The following MYO1D variants were observed in gnomAD, a reference collection of about 807,000 sequenced individuals.
MYO1D encodes the protein unconventional myosin-Id.
Under a neutral mutation model 122.0 loss-of-function variants are expected in MYO1D, and 83 were observed. The ratio of observed to expected loss-of-function variants is 0.68; its 90% confidence interval spans 0.57 to 0.82. The LOEUF (loss-of-function observed/expected upper bound fraction) is 0.82, where lower values mean the gene tolerates loss of function less well. MYO1D is among the 40% of genes least tolerant of loss of function. The probability of loss-of-function intolerance (pLI) is 0.00; values close to 1 mark genes in which losing one functional copy is unlikely to be tolerated. For synonymous variants in MYO1D, 464 were observed against 446.9 expected (o/e 1.04, Z -0.48); for missense variants, 1,157 against 1,269.5 (o/e 0.91, Z 1.35).
intron 19 of MYO1D, among the ~76,000 whole-genome samples, chr17:32,643,208 T>C (rs1028615526): frequency 6.6e-6 from 1 of 152,244 alleles, no homozygotes; most frequent in Non-Finnish European, 1.5e-5. Context: ...TGGTTCTGTT[T>C]ATATGCTGGA....
chr17:32,694,678 G>A (rs955775274), intron 16 of MYO1D, among the ~76,000 whole-genome samples: 4 of 126,728 alleles, frequency 3.2e-5, no homozygotes, highest in Admixed American at 9.7e-5. Flanking sequence ...TCCGCAGTCC[G>A]GCCTGGGCGA....
intron 20 of MYO1D, among the ~76,000 whole-genome samples, chr17:32,629,285 G>C (rs1597950600): frequency 9.4e-6 from 1 of 106,556 alleles, no homozygotes; most frequent in Non-Finnish European, 2.1e-5. Context: ...TGTTCTGTGT[G>C]ATACTGTAAT....
intron 21 of MYO1D, among the ~76,000 whole-genome samples, chr17:32,569,425 T>C (rs901921985): frequency 6.6e-6 from 1 of 152,222 alleles, no homozygotes. Context: ...CAGACCTGCA[T>C]GACCAATTCT....
intron 21 of MYO1D, among the ~76,000 whole-genome samples, chr17:32,542,769 G>GT (rs1273011131): frequency 2.6e-5 from 4 of 152,132 alleles, no homozygotes; most frequent in African/African-American, 4.8e-5. Context: ...GCACAGTCCA[G>GT]TGAGGCCTGT....
At chr17:32,673,846 T>C (rs1015416776) in intron 16 of MYO1D, among the ~76,000 whole-genome samples, 1 of 152,242 alleles carries the variant, frequency 6.6e-6, no homozygotes, top group Admixed American at 6.5e-5. Context: ...GTATCAGTTT[T>C]GTGTCAATGT....
chr17:32,547,088 T>TCA (rs2086970651), intron 21 of MYO1D, among the ~76,000 whole-genome samples: 1 of 147,650 alleles, frequency 6.8e-6, no homozygotes, highest in East Asian at 2.0e-4. Flanking sequence ...TTTTTTTTTG[T>TCA]AAAGACAGCA....
chr17:32,621,717 G>A (rs2087856975), intron 20 of MYO1D, among the ~76,000 whole-genome samples: 1 of 152,148 alleles, frequency 6.6e-6, no homozygotes, highest in South Asian at 2.1e-4. Flanking sequence ...GAGAATGTCT[G>A]TGACCTCCCA....
intron 20 of MYO1D, among the ~76,000 whole-genome samples, chr17:32,614,317 G>A (rs1447217929): frequency 3.5e-5 from 5 of 143,200 alleles, no homozygotes; most frequent in African/African-American, 1.3e-4. Context: ...TGAAATTGTA[G>A]CGGTCACTTA....
intron 1 of MYO1D, among the ~76,000 whole-genome samples, chr17:32,843,784 A>G (rs978358873): frequency 6.6e-6 from 1 of 152,194 alleles, no homozygotes; most frequent in Non-Finnish European, 1.5e-5. Context: ...AAGAAAATCT[A>G]TTAACAATGG....
chr17:32,515,251 G>T (rs1233104856), intron 21 of MYO1D, among the ~76,000 whole-genome samples: 1 of 152,104 alleles, frequency 6.6e-6, no homozygotes, highest in Admixed American at 6.5e-5. Flanking sequence ...ACCTTCCAGG[G>T]CAAAAAGGCT....
chr17:32,673,130 G>T (rs1304519732), intron 16 of MYO1D, among the ~76,000 whole-genome samples: 2 of 10,242 alleles, frequency 2.0e-4, no homozygotes, highest in Non-Finnish European at 8.8e-4. Flanking sequence ...TTTTTTTTGA[G>T]ACAGAGACTT....
chr17:32,609,046 A>G (rs2087666339), intron 20 of MYO1D, among the ~76,000 whole-genome samples: 1 of 152,040 alleles, frequency 6.6e-6, no homozygotes, highest in African/African-American at 2.4e-5. Flanking sequence ...GTATGGAACT[A>G]CTCTGTATCC....
chr17:32,730,563 G>A, intron 14 of MYO1D, among the ~76,000 whole-genome samples: 1 of 152,030 alleles, frequency 6.6e-6, no homozygotes, highest in East Asian at 1.9e-4. Context: ...TCTTTATTGT[G>A]CCTTTGTTCT....
chr17:32,517,062 T>C (rs1259550614), intron 21 of MYO1D, among the ~76,000 whole-genome samples: 1 of 152,260 alleles, frequency 6.6e-6, no homozygotes, highest in East Asian at 1.9e-4. Context: ...AACTAATTTA[T>C]AGCATCGAAG....
chr17:32,572,227 A>AGCCC (rs2087237365), intron 21 of MYO1D, among the ~76,000 whole-genome samples: 1 of 149,742 alleles, frequency 6.7e-6, no homozygotes, highest in Non-Finnish European at 1.5e-5. Flanking sequence ...CAGCACTTTT[A>AGCCC]CTCCCCCTCG....
In MYO1D at chr17:32,856,090, AT is replaced by A. The variant is rs558159879; in HGVS notation, c.95+20687del. 1.6e-4 allele frequency among the ~76,000 whole-genome samples: 24 copies of A among 150,312 alleles called. No individual in the cohort carries two copies. In the East Asian group the frequency reaches 2.5e-3, roughly 16 times the overall value. On this transcript the variant is annotated intron_variant, in intron 1 of 21. Coordinates refer to ENST00000318217, the MANE Select transcript of MYO1D (RefSeq NM_015194.3). The stretch of plus-strand genomic sequence containing the variant: ...TGCATGCAGATGCTATTCTTGGATG[AT>A]TTTTTTTTTCTTTTTGAAATAGTAT...
At chr17:32,697,988 AGT>A (rs1004910049) in intron 16 of MYO1D, among the ~76,000 whole-genome samples, 1 of 152,180 alleles carries the variant, frequency 6.6e-6, no homozygotes, top group Non-Finnish European at 1.5e-5. Flanking sequence ...CAGTCAAAAG[AGT>A]GTGTGTGGGA....
At chr17:32,768,456 C>T (rs2090082562) in intron 6 of MYO1D, among the ~76,000 whole-genome samples, 1 of 152,138 alleles carries the variant, frequency 6.6e-6, no homozygotes, top group African/African-American at 2.4e-5. Context: ...ATAGTAACTG[C>T]TTATATTAGT....
chr17:32,815,327 G>A (rs1188403172), intron 1 of MYO1D, among the ~76,000 whole-genome samples: 1 of 152,112 alleles, frequency 6.6e-6, no homozygotes, highest in African/African-American at 2.4e-5. Flanking sequence ...TCCAGCTCTT[G>A]ACTTATAGAA....
Sources: gnomAD v4.1 joint callset for allele counts (sites outside exome capture counted in the v4.1 genomes callset) on GRCh38, gnomAD v4.1.1 for gene constraint, MANE v1.5 for transcripts, NCBI Gene and HGNC (gene_info 2026-07-23, HGNC 2026-07-21) for gene names.